Variants in DAB1 observed in about 807,000 individuals in gnomAD.
DAB1 encodes disabled homolog 1.
In DAB1, 15 loss-of-function variants were observed where a neutral mutation model predicts 64.6. The ratio of observed to expected loss-of-function variants is 0.23; its 90% CI spans 0.16 to 0.36. The LOEUF (loss-of-function observed/expected upper bound fraction) is 0.36, where lower values mean the gene tolerates loss of function less well. Among genes scored for constraint, DAB1 ranks in the 10% least tolerant of loss-of-function variants. DAB1 has a pLI of 1.00. For synonymous variants in DAB1, 235 were observed against 251.9 expected (o/e 0.93, Z 0.64); for missense variants, 596 against 706.7 (o/e 0.84, Z 1.78).
intron 6 of DAB1, among the ~76,000 whole-genome samples, chr1:57,672,709 G>A (rs1646522747): frequency 6.6e-6 from 1 of 152,090 alleles, no homozygotes; most frequent in Admixed American, 6.5e-5. Flanking sequence ...CTTAGAGTGG[G>A]TTTGATGGCC....
chr1:58,039,215 C>G (rs893543529), intron 5 of DAB1, among the ~76,000 whole-genome samples: 5 of 152,160 alleles, frequency 3.3e-5, no homozygotes, highest in African/African-American at 7.2e-5. Context: ...GAATCCATAT[C>G]CCCAACCACC....
intron 5 of DAB1, among the ~76,000 whole-genome samples, chr1:57,947,971 C>T (rs1185108876): frequency 6.6e-6 from 1 of 152,166 alleles, no homozygotes; most frequent in Non-Finnish European, 1.5e-5. Context: ...AGCTTCTGTG[C>T]ATTACACTTT....
chr1:58,295,418 C>T (rs1276875732), intron 4 of DAB1, among the ~76,000 whole-genome samples: 2 of 152,038 alleles, frequency 1.3e-5, no homozygotes, highest in South Asian at 2.1e-4. Flanking sequence ...GTGGAGGTGG[C>T]AGGGGAAAGC....
At chr1:58,521,430 A>G (rs1330603743) in intron 2 of DAB1, among the ~76,000 whole-genome samples, 2 of 152,006 alleles carry the variant, frequency 1.3e-5, no homozygotes, top group Non-Finnish European at 2.9e-5. Context: ...AAAATAATGA[A>G]AAAAAATGGT....
At chr1:57,916,755 T>C (rs556001457) in intron 5 of DAB1, among the ~76,000 whole-genome samples, 1 of 152,152 alleles carries the variant, frequency 6.6e-6, no homozygotes, top group East Asian at 1.9e-4. Context: ...CTGGCCAAAA[T>C]GGTGAAACCC....
At chr1:57,676,218 A>G (rs903396203) in intron 6 of DAB1, among the ~76,000 whole-genome samples, 2 of 152,226 alleles carry the variant, frequency 1.3e-5, no homozygotes, top group Non-Finnish European at 2.9e-5. Flanking sequence ...GCAAGTGCCT[A>G]CAAGGCATTG....
At chr1:58,293,469 TG>T (rs1661893925) in intron 4 of DAB1, among the ~76,000 whole-genome samples, 1 of 152,146 alleles carries the variant, frequency 6.6e-6, no homozygotes, top group Non-Finnish European at 1.5e-5. Context: ...CCAGGGGAGA[TG>T]GCAGCAGTCA....
chr1:57,240,659 T>G (rs1374701541), intron 2 of DAB1, among the ~76,000 whole-genome samples: 1 of 152,142 alleles, frequency 6.6e-6, no homozygotes, highest in African/African-American at 2.4e-5. Context: ...CCTCTATTTC[T>G]ATGGTTTAAT....
At chr1:57,500,507 G>A (rs1327405217) in intron 7 of DAB1, among the ~76,000 whole-genome samples, 1 of 152,138 alleles carries the variant, frequency 6.6e-6, no homozygotes, top group Non-Finnish European at 1.5e-5. Flanking sequence ...TTTAAATACC[G>A]TGCCCAGCTA....
intron 5 of DAB1, among the ~76,000 whole-genome samples, chr1:57,902,815 G>T (rs1481421742): frequency 6.6e-6 from 1 of 152,118 alleles, no homozygotes; most frequent in African/African-American, 2.4e-5. Context: ...CTGTATTTAA[G>T]ACCATATGAA....
intron 6 of DAB1, among the ~76,000 whole-genome samples, chr1:57,748,219 A>G (rs1052639278): frequency 1.3e-5 from 2 of 152,326 alleles, no homozygotes; most frequent in East Asian, 1.9e-4. Flanking sequence ...CCTTGCCCCA[A>G]TACTAAACTT....
At chr1:58,206,222 C>T (rs903185243) in intron 4 of DAB1, among the ~76,000 whole-genome samples, 6 of 152,214 alleles carry the variant, frequency 3.9e-5, no homozygotes, top group East Asian at 1.9e-4. Context: ...TCCAGAAAGG[C>T]GGGACAACTC....
At chr1:58,462,760 T>A in intron 3 of DAB1, 1 of 152,356 alleles carries the variant, frequency 6.6e-6, no homozygotes, top group Non-Finnish European at 1.5e-5. Flanking sequence ...AACCTCAGGC[T>A]GTTCATTTGA....
chr1:57,786,670 T>C (rs189046920), intron 6 of DAB1, among the ~76,000 whole-genome samples: 119 of 152,264 alleles, frequency 7.8e-4, no homozygotes, highest in Non-Finnish European at 9.3e-4. Context: ...CACTGAACCG[T>C]GGAAAACCAG....
chr1:57,343,690 G>A lies in DAB1; in HGVS notation c.-136-52524C>T, dbSNP rs1321180634. 2.6e-5 allele frequency among the ~76,000 whole-genome samples: 4 copies of A among 152,070 alleles called. No homozygotes were observed. The East Asian group carries it at 5.8e-4, about 22-fold the overall frequency. ...CTGCCTGGGGCCGGTGGGGCCGGCC[G>A]GCCGCTCCAAGTGTGGGGTCCGCGG... On this transcript the variant is annotated intron_variant, in intron 1 of 14. Transcript: ENST00000371236.
intron 6 of DAB1, among the ~76,000 whole-genome samples, chr1:57,674,244 A>G (rs1481977565): frequency 6.6e-6 from 1 of 152,192 alleles, no homozygotes; most frequent in Non-Finnish European, 1.5e-5. Flanking sequence ...TTACAAGTCC[A>G]GCACATCTTC....
chr1:57,951,250 T>TG (rs1645269075), intron 5 of DAB1, among the ~76,000 whole-genome samples: 1 of 146,178 alleles, frequency 6.8e-6, no homozygotes, highest in Non-Finnish European at 1.5e-5. Context: ...GGATAGACAT[T>TG]GGGGGGTGAG....
intron 10 of DAB1, 64 bp from the exon 11 acceptor site, chr1:57,023,703 G>A (rs1469607805): frequency 2.0e-5 from 21 of 1,069,218 alleles, no homozygotes; most frequent in Non-Finnish European, 2.9e-5. Flanking sequence ...AGGCTGGGAG[G>A]TAGCAGATGC....
At chr1:58,524,793 A>C (rs1646324422) in intron 2 of DAB1, among the ~76,000 whole-genome samples, 2 of 152,200 alleles carry the variant, frequency 1.3e-5, no homozygotes, top group South Asian at 4.1e-4. Flanking sequence ...GTCTCATGGT[A>C]TTACTCAAGG....
Sources: allele counts gnomAD v4.1 joint callset (sites outside exome capture counted in the v4.1 genomes callset), GRCh38; gene constraint gnomAD v4.1.1; transcripts MANE v1.5; gene names NCBI Gene and HGNC (gene_info 2026-07-23, HGNC 2026-07-21).